CCDC187: variants seen among roughly 807,000 people sequenced by gnomAD.
The protein encoded by CCDC187 is coiled-coil domain-containing protein 187.
Under a neutral mutation model 38.0 loss-of-function variants are expected in CCDC187, and 32 were observed. The observed-to-expected ratio is 0.84, with a 90% CI of 0.64 to 1.13. The LOEUF (loss-of-function observed/expected upper bound fraction) is 1.13, where lower values mean the gene tolerates loss of function less well. CCDC187 is among the 50% of genes most tolerant of loss of function. The probability of loss-of-function intolerance (pLI) is 0.00; values close to 1 mark genes in which losing one functional copy is unlikely to be tolerated. For missense variants in CCDC187, 707 were observed against 786.8 expected (o/e 0.90, Z 1.21); for synonymous variants, 333 against 347.9 (o/e 0.96, Z 0.48).
Position 136,268,428 on chromosome 9 carries a change from G to C in CCDC187, c.3443-303C>G, listed in dbSNP as rs80188651. On this transcript the variant is annotated intron_variant, in intron 14 of 25. Transcript: ENST00000638797. ...GCGTCTACAGGCTTCTAAAGGAGGG[G>C]AGAGTGAGGCCCAGAGAGGGAGAAG... Among the ~76,000 whole-genome samples the C allele has an allele frequency of 4.0e-4, 61 of 152,332 alleles. No individual in the cohort carries two copies. The East Asian group carries it at 0.012, about 29-fold the overall frequency.
rs1249433560 is a variant in CCDC187 at position 136,258,565 on chromosome 9, G to C, written c.4366+367C>G. Among the ~76,000 whole-genome samples the C allele has an allele frequency of 6.6e-6, 1 of 152,206 alleles. No homozygotes were observed. The highest frequency in any genetic ancestry group is 1.5e-5 in the Non-Finnish European group (1 of 68,036). On this transcript the variant is annotated intron_variant, in intron 22 of 25. Coordinates refer to ENST00000638797, the MANE Select transcript of CCDC187 (RefSeq NM_001378188.1). This position sits in a 1 kb window ranked among gnomAD's most constrained non-coding sequence, Gnocchi z 4.3. Reference sequence around the variant, plus strand: ...CGGGGGGGGCCCCGGCCAAGTGTAAGGTTCAGAAAGAGAAAAATGTAATCG... The same window carrying C: ...CGGGGGGGGCCCCGGCCAAGTGTAACGTTCAGAAAGAGAAAAATGTAATCG...
chr9:136,258,894 C>T lies in CCDC187; in HGVS notation c.4366+38G>A, dbSNP rs116610962. 1,970 of 985,528 alleles carry T rather than the reference C, an allele frequency of 2.0e-3. 20 individuals are homozygous for T. In the African/African-American group the frequency reaches 0.028, roughly 14 times the overall value. The allele number at this position is 985,528 out of a possible 1,614,324, so 61.0% of individuals were successfully genotyped here. A position where few individuals can be genotyped will look rare whatever the true frequency, so the allele number is the denominator to read the frequency against. On this transcript the variant is annotated intron_variant, in intron 22 of 25. Coordinates refer to ENST00000638797, the MANE Select transcript of CCDC187 (RefSeq NM_001378188.1). The surrounding 1 kb of genome is among the most constrained non-coding windows in gnomAD (Gnocchi z 4.3). ...TGCTGGATGTGGGGGAAGTGTCTGG[C>T]GCCGTGGAGGCCCACGCGGTGTTTC...
intron 10 of CCDC187, chr9:136,281,102 GC>G (rs1831030383): frequency 3.7e-6 from 1 of 269,634 alleles, no homozygotes; most frequent in South Asian, 1.7e-4. Flanking sequence ...CTACAGCGCA[GC>G]CCACGCCAGC....
At chr9:136,288,459 G>A (rs1831233509) in intron 7 of CCDC187, among the ~76,000 whole-genome samples, 2 of 152,290 alleles carry the variant, frequency 1.3e-5, no homozygotes, top group Non-Finnish European at 2.9e-5. Context: ...GCTCTGGTGG[G>A]TGGGAGCCCC....
At position 136,303,144 on chromosome 9, in the gene CCDC187, G is replaced by C. The variant is rs1831729609; in HGVS notation, c.293C>G (p.Pro98Arg). The change falls in exon 2 of 26, where the codon CCC (proline) becomes CGC (arginine). Residue 98 changes from proline to arginine, a missense_variant. Coordinates refer to ENST00000638797, the MANE Select transcript of CCDC187 (RefSeq NM_001378188.1). ...PGPWGKACSL[P>R]MWSTGPEARD... is the part of the protein sequence containing the mutation. ...AGCCTCCGGGCCTGTGGACCACATG[G>C]GCAGGCTGCACGCCTTCCCCCAGGG... 2 of 398,538 alleles carry C rather than the reference G, an allele frequency of 5.0e-6. No homozygotes were observed. Among genetic ancestry groups the C allele is most frequent in the Admixed American group, 8.8e-5 (2 of 22,724 alleles). 24.7% of individuals were successfully genotyped at this position (398,538 alleles called of 1,614,324 possible).
At chr9:136,302,534 G>A (rs1337562518) in intron 2 of CCDC187, among the ~76,000 whole-genome samples, 1 of 152,186 alleles carries the variant, frequency 6.6e-6, no homozygotes, top group Non-Finnish European at 1.5e-5. Flanking sequence ...CTAGGTCCAG[G>A]GACCAGGCCC....
At position 136,291,235 on chromosome 9, in the gene CCDC187, G is replaced by C. The variant is rs1168920585; in HGVS notation, c.1378C>G (p.Pro460Ala). 5.0e-6 allele frequency: 2 copies of C among 398,676 alleles called. No individual in the cohort carries two copies. The highest frequency in any genetic ancestry group is 8.8e-6 in the Non-Finnish European group (2 of 226,190). The allele number at this position is 398,676 out of a possible 1,614,324, so 24.7% of individuals were successfully genotyped here. A position where few individuals can be genotyped will look rare whatever the true frequency, so the allele number is the denominator to read the frequency against. ...WSSSTARESCPQRAWGAQGQD... is the reference protein window; with the variant it reads ...WSSSTARESCAQRAWGAQGQD... ...CCTTGGGCCCCCCAGGCCCTCTGCG[G>C]ACAGGACTCCCGTGCAGTGGAGGAG... Residue 460 changes from proline to alanine, a missense_variant, in exon 6 of 26, where the codon CCG becomes GCG. Pro to Ala is a conservative substitution (Grantham distance 27). Transcript: ENST00000638797.
At chr9:136,289,708 G>A (rs1307808319) in intron 7 of CCDC187, among the ~76,000 whole-genome samples, 5 of 152,210 alleles carry the variant, frequency 3.3e-5, no homozygotes, top group South Asian at 4.1e-4. Context: ...TCAATGCCAC[G>A]GAACGTGCAC....
chr9:136,288,879 G>A (rs1463685713), intron 7 of CCDC187, among the ~76,000 whole-genome samples: 1 of 152,234 alleles, frequency 6.6e-6, no homozygotes, highest in Non-Finnish European at 1.5e-5. Context: ...TGGAGAACAG[G>A]GTGCAAGTTC....
intron 24 of CCDC187, 42 bp from the exon 25 acceptor site, chr9:136,255,775 C>T (rs1237016200): frequency 4.2e-6 from 4 of 948,154 alleles, no homozygotes; most frequent in Non-Finnish European, 3.8e-6. Flanking sequence ...GATCCTGGTC[C>T]TCCTGGCCTC....
chr9:136,303,506 G>A (rs1002785174), intron 1 of CCDC187, among the ~76,000 whole-genome samples, 182 bp downstream of exon 1: 7 of 152,346 alleles, frequency 4.6e-5, no homozygotes, highest in Non-Finnish European at 7.3e-5. Flanking sequence ...TGATCGGCCC[G>A]ATTTACAGAT....
At chr9:136,279,933 T>C (rs929811109) in intron 10 of CCDC187, among the ~76,000 whole-genome samples, 1 of 152,210 alleles carries the variant, frequency 6.6e-6, no homozygotes, top group African/African-American at 2.4e-5. Flanking sequence ...CTTCTCGCCC[T>C]CCTGCCTTCC....
At chr9:136,290,274 C>CAG (rs1831286194) in intron 6 of CCDC187, among the ~76,000 whole-genome samples, 19 of 152,110 alleles carry the variant, frequency 1.2e-4, no homozygotes, top group Non-Finnish European at 2.6e-4. Flanking sequence ...TCTGACCCTG[C>CAG]ACCTCACCAG....
chr9:136,288,058 G>C (rs1270531952), intron 7 of CCDC187, among the ~76,000 whole-genome samples: 1 of 152,188 alleles, frequency 6.6e-6, no homozygotes, highest in Non-Finnish European at 1.5e-5. Context: ...AGGCCCTGCA[G>C]CTGCCCGAGA....
At chr9:136,299,181 C>T (rs897369861) in intron 3 of CCDC187, among the ~76,000 whole-genome samples, 3 of 152,172 alleles carry the variant, frequency 2.0e-5, no homozygotes, top group Admixed American at 1.3e-4. Flanking sequence ...TCTGGATGGA[C>T]AGGAGTTCCC....
rs1047939274 is a variant in CCDC187, at chr9:136,291,968, G to C, written c.967+193C>G. On this transcript the variant is annotated intron_variant, in intron 5 of 25. Coordinates refer to ENST00000638797, the MANE Select transcript of CCDC187 (RefSeq NM_001378188.1). Reference sequence around the variant, plus strand: ...CCAGGGCCAGAAACCCTTTTCTCAGGCTTTGAAAACACTTATTGCCCAAAG... The same window carrying C: ...CCAGGGCCAGAAACCCTTTTCTCAGCCTTTGAAAACACTTATTGCCCAAAG... Among the ~76,000 whole-genome samples the C allele has an allele frequency of 2.1e-3, 314 of 152,330 alleles. 2 individuals carry two copies. The highest frequency in any genetic ancestry group is 0.02 in the South Asian group (99 of 4,832).
In CCDC187 at chr9:136,259,378, C is replaced by T; in HGVS notation, c.4281G>A (p.Leu1427=). 1.0e-6 allele frequency: 1 copy of T among 985,022 alleles called. No homozygotes were observed. The highest frequency in any genetic ancestry group is 1.8e-5 in the African/African-American group (1 of 57,128). 61.0% of individuals were successfully genotyped at this position (985,022 alleles called of 1,614,324 possible). ...GAGTGCGTACGGGAAAGGCTGGGCCCAGCCGCTGTCCGTCCGGGGGGCTCA... is the reference window on the plus strand; with the variant it reads ...GAGTGCGTACGGGAAAGGCTGGGCCTAGCCGCTGTCCGTCCGGGGGGCTCA... ...QHVSPPDGQR[L]GPAFPAEEAE... Residue 1427 remains leucine (L), a synonymous_variant, in exon 21 of 26, where the codon CTG becomes CTA. Transcript: ENST00000638797.
chr9:136,285,728 C>A (rs989290263), intron 8 of CCDC187, 122 bp from the exon 9 acceptor site: 12 of 397,252 alleles, frequency 3.0e-5, no homozygotes, highest in Middle Eastern at 6.2e-4. Flanking sequence ...GGTGTGGCAG[C>A]CTCCCTGGCC....
At chr9:136,281,887 C>G (rs1255807454) in intron 9 of CCDC187, among the ~76,000 whole-genome samples, 1 of 152,088 alleles carries the variant, frequency 6.6e-6, no homozygotes, top group Non-Finnish European at 1.5e-5. Flanking sequence ...GAGCGGGAGG[C>G]AGGGGTGAGT....
Sources: allele counts gnomAD v4.1 joint callset (sites outside exome capture counted in the v4.1 genomes callset), GRCh38; gene constraint gnomAD v4.1.1; non-coding constraint Gnocchi (gnomAD v3.1); transcripts MANE v1.5; gene names NCBI Gene and HGNC (gene_info 2026-07-23, HGNC 2026-07-21).